PALD1: variants seen among roughly 807,000 people sequenced by gnomAD.
PALD1 encodes paladin.
Under a neutral mutation model 96.0 loss-of-function variants are expected in PALD1, and 57 were observed. The observed-to-expected ratio is 0.59, with a 90% CI of 0.48 to 0.74. PALD1 has a LOEUF of 0.74. Among genes scored for constraint, PALD1 ranks in the 30% least tolerant of loss-of-function variants. The probability of loss-of-function intolerance (pLI) is 0.00; values close to 1 mark genes in which losing one functional copy is unlikely to be tolerated. For missense variants in PALD1, 1,063 were observed against 1,143.7 expected (o/e 0.93, Z 1.02); for synonymous variants, 464 against 473.6 (o/e 0.98, Z 0.26).
chr10:70,520,020 C>A (rs1298336658), intron 1 of PALD1, among the ~76,000 whole-genome samples: 1 of 152,098 alleles, frequency 6.6e-6, no homozygotes, highest in Non-Finnish European at 1.5e-5. Context: ...GCCTCAGCAG[C>A]GATAGGGTCT....
the PALD1 span, among the ~76,000 whole-genome samples, chr10:70,472,976 AT>A: frequency 6.6e-6 from 1 of 152,192 alleles, no homozygotes. Context: ...GACTATCCCC[AT>A]TTTACAGATG....
chr10:70,488,023 A>T (rs1846040564), intron 1 of PALD1, among the ~76,000 whole-genome samples: 1 of 152,172 alleles, frequency 6.6e-6, no homozygotes, highest in African/African-American at 2.4e-5. Context: ...GTTTTTTGAG[A>T]TTCATCTCTG....
chr10:70,490,174 C>T (rs981134268), intron 1 of PALD1, among the ~76,000 whole-genome samples: 13 of 152,124 alleles, frequency 8.5e-5, no homozygotes, highest in African/African-American at 1.9e-4. Flanking sequence ...CCATCTGCCT[C>T]GGCCTCCCAT....
intron 10 of PALD1, among the ~76,000 whole-genome samples, chr10:70,536,557 C>A (rs1396011534): frequency 6.6e-6 from 1 of 152,180 alleles, no homozygotes; most frequent in Admixed American, 6.5e-5. Flanking sequence ...ACGGCTTAGA[C>A]CAAATCCAGC....
intron 1 of PALD1, among the ~76,000 whole-genome samples, chr10:70,488,580 T>C (rs1008250819): frequency 6.6e-6 from 1 of 152,146 alleles, no homozygotes; most frequent in Admixed American, 6.5e-5. Context: ...TACATGAATT[T>C]GTGTGGTTTT....
In PALD1 at chr10:70,539,240, A is replaced by G. The variant is rs1469042751; in HGVS notation, c.1718A>G (p.Gln573Arg). The G allele has an allele frequency of 4.4e-6, 7 of 1,608,780 alleles. No homozygotes were observed. Among genetic ancestry groups the G allele is most frequent in the Non-Finnish European group, 5.9e-6 (7 of 1,178,172 alleles). Reference sequence around the variant, plus strand: ...CCTGGGCCCCCTGTGGCTCCTGACCAGCTGGAGGTGAGGCCCCCTGCCCTC... The same window carrying G: ...CCTGGGCCCCCTGTGGCTCCTGACCGGCTGGAGGTGAGGCCCCCTGCCCTC... ...RWPGPPVAPD[Q>R]LETLEAQLKA... The change falls in exon 14 of 20, where the codon CAG becomes CGG. Residue 573 changes from glutamine (Q) to arginine (R), a missense_variant. Gln to Arg is a conservative substitution (Grantham distance 43). Coordinates refer to ENST00000263563, the MANE Select transcript of PALD1 (RefSeq NM_014431.3). The surrounding 1 kb of genome is among the most constrained non-coding windows in gnomAD (Gnocchi z 4.5).
chr10:70,533,734 CCTGGGGAGGGAG>C, intron 7 of PALD1, among the ~76,000 whole-genome samples, 176 bp from the exon 8 acceptor site: 1 of 152,372 alleles, frequency 6.6e-6, no homozygotes, highest in South Asian at 2.1e-4. Flanking sequence ...TCCTCCAAGG[CCTGGGGAGGGAG>C]CAGGTGGAGC....
intron 8 of PALD1, 117 bp downstream of exon 8, chr10:70,534,190 T>C: frequency 8.1e-7 from 1 of 1,230,930 alleles, no homozygotes; most frequent in Non-Finnish European, 1.1e-6. Context: ...ATTTGGCATC[T>C]GGGGTTCATT....
intron 15 of PALD1, 86 bp from the exon 16 acceptor site, chr10:70,541,016 T>C: frequency 7.0e-7 from 1 of 1,432,196 alleles, no homozygotes; most frequent in Non-Finnish European, 9.4e-7. Flanking sequence ...GGACAGTGGC[T>C]GGGGCTGCCA....
intron 1 of PALD1, among the ~76,000 whole-genome samples, chr10:70,522,134 C>A (rs1210493304): frequency 6.6e-6 from 1 of 152,142 alleles, no homozygotes; most frequent in African/African-American, 2.4e-5. Flanking sequence ...GGGTGTCACA[C>A]TGGGGAGTGT....
chr10:70,553,359 T>G lies in PALD1; in HGVS notation c.2262+5913T>G, dbSNP rs1270124934. On this transcript the variant is annotated intron_variant, in intron 18 of 19. Coordinates refer to ENST00000263563, the MANE Select transcript of PALD1 (RefSeq NM_014431.3). ...AGATGTTGGCTTCAGCAAGGCCTAA[T>G]GTTCCTCCAGATTTGGATGTGGCTG... is the stretch of plus-strand genomic sequence containing the variant. Among the ~76,000 whole-genome samples the G allele has an allele frequency of 3.3e-5, 5 of 152,162 alleles. No homozygotes were observed. In the East Asian group the frequency reaches 9.6e-4, roughly 29 times the overall value.
chr10:70,482,537 G>C lies in PALD1; in HGVS notation c.-30+3478G>C, dbSNP rs372400612. Among the ~76,000 whole-genome samples the C allele has an allele frequency of 5.3e-5, 8 of 152,302 alleles. No homozygotes were observed. In the East Asian group the frequency reaches 1.5e-3, roughly 29 times the overall value. ...CCGAGGCCTTTGGCTGGGACCCGGGGAAAGAGAAGGTCTGGAAGCACTGGC... is the reference window on the plus strand; with the variant it reads ...CCGAGGCCTTTGGCTGGGACCCGGGCAAAGAGAAGGTCTGGAAGCACTGGC... On this transcript the variant is annotated intron_variant, in intron 1 of 19. Transcript: ENST00000263563.
At chr10:70,518,284 T>A (rs1436164066) in intron 1 of PALD1, among the ~76,000 whole-genome samples, 1 of 152,242 alleles carries the variant, frequency 6.6e-6, no homozygotes, top group African/African-American at 2.4e-5. Flanking sequence ...GGGCTCAATG[T>A]TTGCTGTTAT....
At chr10:70,498,624 A>G (rs544655008) in intron 1 of PALD1, among the ~76,000 whole-genome samples, 7 of 150,306 alleles carry the variant, frequency 4.7e-5, no homozygotes, top group African/African-American at 1.7e-4. Flanking sequence ...TCTTTTGAGC[A>G]TATTTGAAAG....
intron 1 of PALD1, among the ~76,000 whole-genome samples, chr10:70,509,110 C>T (rs561520158): frequency 1.2e-4 from 19 of 152,340 alleles, no homozygotes; most frequent in African/African-American, 4.6e-4. Flanking sequence ...GGGCATCTGG[C>T]TGCCAGGGGC....
At chr10:70,546,740 A>T (rs574496322) in intron 17 of PALD1, among the ~76,000 whole-genome samples, 2 of 152,240 alleles carry the variant, frequency 1.3e-5, no homozygotes, top group Non-Finnish European at 2.9e-5. Flanking sequence ...GCTTTAGCCC[A>T]GGAGTTCGAG....
At chr10:70,512,562 G>A (rs964439991) in intron 1 of PALD1, among the ~76,000 whole-genome samples, 1 of 152,254 alleles carries the variant, frequency 6.6e-6, no homozygotes, top group Admixed American at 6.5e-5. Context: ...TGCCAAGAAA[G>A]TGTGGTCTGT....
intron 1 of PALD1, among the ~76,000 whole-genome samples, chr10:70,516,234 G>A (rs1846616793): frequency 6.6e-6 from 1 of 152,080 alleles, no homozygotes; most frequent in African/African-American, 2.4e-5. Context: ...GGGTTCCAGC[G>A]ATCCTCCTGC....
chr10:70,566,757 A>G lies in PALD1; in HGVS notation c.*24A>G. On this transcript the variant is annotated 3_prime_UTR_variant, in exon 20 of 20. Coordinates refer to ENST00000263563, the MANE Select transcript of PALD1 (RefSeq NM_014431.3). ...AGGGGGCCTTACTCCCTGTCCCCCCACCCACAGGGCCCCACGCAGGCCTGG... is the reference window on the plus strand; with the variant it reads ...AGGGGGCCTTACTCCCTGTCCCCCCGCCCACAGGGCCCCACGCAGGCCTGG... The G allele has an allele frequency of 2.0e-6, 3 of 1,522,226 alleles. No individual in the cohort carries two copies. Among genetic ancestry groups the G allele is most frequent in the Non-Finnish European group, 2.7e-6 (3 of 1,120,982 alleles). 94.3% of individuals were successfully genotyped at this position (1,522,226 alleles called of 1,614,324 possible).
Sources: gnomAD v4.1 joint callset for allele counts (sites outside exome capture counted in the v4.1 genomes callset) on GRCh38, gnomAD v4.1.1 for gene constraint, Gnocchi (gnomAD v3.1) non-coding constraint, MANE v1.5 for transcripts, NCBI Gene and HGNC (gene_info 2026-07-23, HGNC 2026-07-21) for gene names.